Variants in SLC1A3 observed in about 807,000 individuals in gnomAD.
SLC1A3 encodes excitatory amino acid transporter 1.
Under a neutral mutation model 48.1 loss-of-function variants are expected in SLC1A3, and 21 were observed. That is an observed-to-expected ratio of 0.44 (90% confidence interval 0.31 to 0.63). SLC1A3 has a LOEUF of 0.63. Among genes scored for constraint, SLC1A3 ranks in the 20% least tolerant of loss-of-function variants. The pLI, the probability that SLC1A3 is intolerant of heterozygous loss-of-function variation, is 0.08. For synonymous variants in SLC1A3, 239 were observed against 251.4 expected, an observed-to-expected ratio of 0.95 and a Z score of 0.47; for missense variants, 546 against 689.0, an observed-to-expected ratio of 0.79 and a Z score of 2.32.
intron 3 of SLC1A3, among the ~76,000 whole-genome samples, chr5:36,653,538 T>G (rs1228219889): frequency 1.3e-5 from 2 of 152,216 alleles, no homozygotes; most frequent in Non-Finnish European, 2.9e-5. Context: ...TCTTTCTAGA[T>G]GAGCTTTTAC....
Position 36,686,208 on chromosome 5 carries a change from A to G in SLC1A3, c.1568A>G (p.Tyr523Cys). 2 of 1,614,188 alleles carry G rather than the reference A, an allele frequency of 1.2e-6. No individual in the cohort carries two copies. Among genetic ancestry groups the G allele is most frequent in the Non-Finnish European group, 1.7e-6 (2 of 1,179,968 alleles). ...GAAGAGAATGAAATGAAGAAACCAT[A>G]TCAACTGATTGCACAGGACAATGAA... ...VIEENEMKKP[Y>C]QLIAQDNETE... is the part of the protein sequence containing the mutation. The change falls in exon 10 of 10, where the codon TAT (tyrosine) becomes TGT (cysteine). Residue 523 changes from tyrosine to cysteine, a missense_variant. By Grantham distance (194) the Tyr-to-Cys change is radical. Transcript: ENST00000265113.
At chr5:36,658,949 T>C (rs1741395431) in intron 3 of SLC1A3, among the ~76,000 whole-genome samples, 1 of 152,038 alleles carries the variant, frequency 6.6e-6, no homozygotes, top group Admixed American at 6.6e-5. Flanking sequence ...GCTGTGACAG[T>C]AGCCACTCAC....
chr5:36,683,992 G>T lies in SLC1A3; in HGVS notation c.1418G>T (p.Trp473Leu). 6.2e-7 allele frequency: 1 copy of T among 1,614,178 alleles called. No homozygotes were observed. The highest frequency in any genetic ancestry group is 8.5e-7 in the Non-Finnish European group (1 of 1,180,026). ...DDITLIIAVD[W>L]FLDRLRTTTN... Reference sequence around the variant, plus strand: ...ATCACGCTCATCATCGCGGTGGACTGGTTCCTGTGAGTATGCTTGGCCTGC... The same window carrying T: ...ATCACGCTCATCATCGCGGTGGACTTGTTCCTGTGAGTATGCTTGGCCTGC... The change falls in exon 9 of 10, where the codon TGG becomes TTG. Residue 473 changes from tryptophan to leucine, a missense_variant. Coordinates refer to ENST00000265113, the MANE Select transcript of SLC1A3 (RefSeq NM_004172.5).
intron 8 of SLC1A3, among the ~76,000 whole-genome samples, chr5:36,683,507 G>C (rs1004404442): frequency 2.0e-5 from 3 of 151,906 alleles, no homozygotes; most frequent in Admixed American, 2.0e-4. Context: ...TCAAGAGTTC[G>C]AGACTAACCT....
intron 2 of SLC1A3, 133 bp downstream of exon 2, chr5:36,608,737 G>T: frequency 3.4e-6 from 5 of 1,485,380 alleles, no homozygotes; most frequent in Non-Finnish European, 3.6e-6. Context: ...TGAACTTGAT[G>T]ATTTTTCTCC....
chr5:36,659,105 TGAA>T (rs1000976228), intron 3 of SLC1A3, among the ~76,000 whole-genome samples: 2 of 152,152 alleles, frequency 1.3e-5, no homozygotes, highest in African/African-American at 4.8e-5. Flanking sequence ...CAGTCTAGTG[TGAA>T]GAAGAATTTA....
chr5:36,609,199 C>T (rs1035302535), intron 2 of SLC1A3: 6 of 980,884 alleles, frequency 6.1e-6, no homozygotes, highest in Non-Finnish European at 6.1e-6. Flanking sequence ...ACCAGCTATA[C>T]CTTTTTTTGA....
At chr5:36,622,055 C>T (rs1242715778) in intron 2 of SLC1A3, among the ~76,000 whole-genome samples, 4 of 152,210 alleles carry the variant, frequency 2.6e-5, no homozygotes, top group Non-Finnish European at 4.4e-5. Flanking sequence ...GTGCTATCAA[C>T]ACTGTGATTT....
chr5:36,613,780 G>A (rs1171357777), intron 2 of SLC1A3, among the ~76,000 whole-genome samples: 1 of 152,172 alleles, frequency 6.6e-6, no homozygotes, highest in Admixed American at 6.5e-5. Context: ...TGGGAGAGGA[G>A]GAGGAGGAAG....
At chr5:36,657,770 C>G (rs1188632357) in intron 3 of SLC1A3, among the ~76,000 whole-genome samples, 4 of 152,232 alleles carry the variant, frequency 2.6e-5, no homozygotes, top group Admixed American at 6.5e-5. Flanking sequence ...AGCTTGGCAG[C>G]AGTTCATGTG....
chr5:36,609,446 C>T (rs1237262874), intron 2 of SLC1A3: 1 of 184,100 alleles, frequency 5.4e-6, no homozygotes, highest in African/African-American at 2.4e-5. Context: ...AAAAATATTC[C>T]AACTTAACCT....
chr5:36,669,997 A>C (rs1741921419), intron 3 of SLC1A3: 1 of 152,114 alleles, frequency 6.6e-6, no homozygotes, highest in East Asian at 1.9e-4. Context: ...ATTGGATTAC[A>C]CTATAATTGG....
At chr5:36,629,997 G>T (rs1005468646) in intron 3 of SLC1A3, 2 of 261,228 alleles carry the variant, frequency 7.7e-6, no homozygotes, top group African/African-American at 4.5e-5. Flanking sequence ...CTTGTTCTCA[G>T]AACCACCAGG....
intron 3 of SLC1A3, among the ~76,000 whole-genome samples, chr5:36,661,209 C>T (rs1456493158): frequency 6.6e-6 from 1 of 152,148 alleles, no homozygotes; most frequent in Non-Finnish European, 1.5e-5. Context: ...GTCAGGAGTG[C>T]GAGACCAGAC....
chr5:36,606,920 T>A (rs1039356038), intron 1 of SLC1A3, 185 bp downstream of exon 1: 1 of 152,384 alleles, frequency 6.6e-6, no homozygotes, highest in Non-Finnish European at 1.5e-5. Context: ...CCGCTGTTAA[T>A]TCGGAGTTGA....
At chr5:36,651,003 T>C (rs3776577) in intron 3 of SLC1A3, among the ~76,000 whole-genome samples, 7,915 of 152,120 alleles carry the variant, frequency 0.052, 213 homozygotes, top group Middle Eastern at 0.099. Context: ...GTTACCAAGA[T>C]TTGCAGAGTT....
rs143441924 is a variant in SLC1A3, at chr5:36,600,626, G to T, written c.-96+3948G>T. 1.3e-3 allele frequency among the ~76,000 whole-genome samples: 205 copies of T among 152,280 alleles called. 1 individual carries two copies. Among genetic ancestry groups the T allele is most frequent in the African/African-American group, 4.6e-3 (190 of 41,560 alleles). On this transcript the variant is annotated intron_variant, in intron 1 of 9. Coordinates refer to the SLC1A3 transcript ENST00000680318. ...GGGATGAGGAAGGAGGCTTGCATTTGCTTCTTCTATGACTCAAAAATGAAC... is the reference window on the plus strand; with the variant it reads ...GGGATGAGGAAGGAGGCTTGCATTTTCTTCTTCTATGACTCAAAAATGAAC...
At chr5:36,643,057 A>G (rs923909628) in intron 3 of SLC1A3, among the ~76,000 whole-genome samples, 1 of 152,172 alleles carries the variant, frequency 6.6e-6, no homozygotes, top group Non-Finnish European at 1.5e-5. Flanking sequence ...TTATCCATTC[A>G]TTAGTTAGAT....
At chr5:36,676,007 G>T (rs1046020096) in intron 5 of SLC1A3, among the ~76,000 whole-genome samples, 5 of 152,146 alleles carry the variant, frequency 3.3e-5, no homozygotes, top group African/African-American at 1.2e-4. Context: ...ATCACAGAGG[G>T]ATGAGTTTAC....
Sources: gnomAD v4.1 joint callset for allele counts (sites outside exome capture counted in the v4.1 genomes callset) on GRCh38, gnomAD v4.1.1 for gene constraint, MANE v1.5 for transcripts, NCBI Gene and HGNC (gene_info 2026-07-23, HGNC 2026-07-21) for gene names.